The following NAV3 variants were observed in gnomAD, a reference collection of about 807,000 sequenced individuals.
NAV3 encodes the protein neuron navigator 3, also known as pore membrane and/or filament interacting like protein 1.
In NAV3, 87 loss-of-function variants were observed where a neutral mutation model predicts 244.7. That is an observed-to-expected ratio of 0.36 (90% confidence interval 0.30 to 0.42). The LOEUF (loss-of-function observed/expected upper bound fraction) is 0.42, where lower values mean the gene tolerates loss of function less well. Among genes scored for constraint, NAV3 ranks in the 20% least tolerant of loss-of-function variants. NAV3 has a pLI of 1.00. For synonymous variants in NAV3, 1,126 were observed against 1,042.2 expected, an observed-to-expected ratio of 1.08 and a Z score of -1.55; for missense variants, 2,663 against 2,893.3, an observed-to-expected ratio of 0.92 and a Z score of 1.83.
intron 5 of NAV3, among the ~76,000 whole-genome samples, chr12:77,991,316 G>A (rs748810968): frequency 7.2e-5 from 11 of 152,100 alleles, no homozygotes; most frequent in East Asian, 1.9e-4. Context: ...GAGCCACTGC[G>A]CCCAGCCTAG....
intron 2 of NAV3, among the ~76,000 whole-genome samples, chr12:77,606,373 T>A (rs1268603666): frequency 1.3e-5 from 2 of 152,152 alleles, no homozygotes; most frequent in African/African-American, 2.4e-5. Context: ...TGTTATAGTT[T>A]TTTAAACTTG....
At chr12:77,626,929 A>G (rs71462111) in intron 2 of NAV3, among the ~76,000 whole-genome samples, 6,420 of 152,272 alleles carry the variant, frequency 0.042, 165 homozygotes, top group Non-Finnish European at 0.061. Context: ...AAAAGATATC[A>G]CTACATAAAC....
chr12:77,804,962 T>G (rs1203948197), intron 2 of NAV3, among the ~76,000 whole-genome samples: 2 of 152,204 alleles, frequency 1.3e-5, no homozygotes, highest in African/African-American at 4.8e-5. Context: ...ATGATTTGGC[T>G]CTCTGTTTTT....
intron 2 of NAV3, among the ~76,000 whole-genome samples, chr12:77,808,735 G>GGCAA (rs1872121223): frequency 6.6e-6 from 1 of 152,206 alleles, no homozygotes; most frequent in South Asian, 2.1e-4. Context: ...CTTCAGAGAC[G>GGCAA]GCAAGCAGGA....
chr12:78,106,499 A>G (rs1343944232), intron 12 of NAV3, among the ~76,000 whole-genome samples: 1 of 152,228 alleles, frequency 6.6e-6, no homozygotes, highest in Non-Finnish European at 1.5e-5. Flanking sequence ...AAATTAATCA[A>G]TAGATTCAAT....
rs542042704 is a variant in NAV3, at chr12:77,683,581, G to A, written c.72+111315G>A. On this transcript the variant is annotated intron_variant, in intron 2 of 8. Coordinates refer to the NAV3 transcript ENST00000550042. Reference sequence around the variant, plus strand: ...AAAATGTCATTGGAATTTTGATAGAGATTGCACTGAATCTGTAGATCGCTT... The same window carrying A: ...AAAATGTCATTGGAATTTTGATAGAAATTGCACTGAATCTGTAGATCGCTT... 5.3e-5 allele frequency among the ~76,000 whole-genome samples: 8 copies of A among 152,228 alleles called. No homozygotes were observed. In the South Asian group the frequency reaches 1.7e-3, roughly 32 times the overall value.
chr12:78,126,589 T>TTTCTAAAA (rs1565690112), intron 16 of NAV3, among the ~76,000 whole-genome samples: 2 of 152,208 alleles, frequency 1.3e-5, no homozygotes, highest in Non-Finnish European at 2.9e-5. Flanking sequence ...TTCTAAAAGA[T>TTTCTAAAA]GGTATAGCTT....
intron 2 of NAV3, among the ~76,000 whole-genome samples, chr12:77,586,327 AATATTATAATCAGCTTT>A (rs1869612656): frequency 6.6e-6 from 1 of 152,202 alleles, no homozygotes; most frequent in Non-Finnish European, 1.5e-5. Flanking sequence ...TAAGAAAATG[AATATTATAATCAGCTTT>A]TTATATGCTT....
At chr12:77,954,188 C>T (rs1891154432) in intron 3 of NAV3, among the ~76,000 whole-genome samples, 1 of 152,126 alleles carries the variant, frequency 6.6e-6, no homozygotes, top group South Asian at 2.1e-4. Flanking sequence ...ATGTGTGGAA[C>T]AAGTGGATTT....
rs150479555 is a variant in NAV3, at chr12:78,197,518, T to C, written c.6446+117T>C. On this transcript the variant is annotated intron_variant, in intron 35 of 39. Transcript: ENST00000397909. ...TAATATTTAATTTTTATTTTTTAAA[T>C]TGACAGATAAAACTGTACATATTGA... 97 of 700,560 alleles carry C rather than the reference T, an allele frequency of 1.4e-4. No homozygotes were observed. The African/African-American group carries it at 1.6e-3, about 11-fold the overall frequency. 43.4% of individuals were successfully genotyped at this position (700,560 alleles called of 1,614,324 possible).
chr12:77,944,450 G>C (rs985340045), intron 3 of NAV3, among the ~76,000 whole-genome samples: 1 of 151,982 alleles, frequency 6.6e-6, no homozygotes, highest in Non-Finnish European at 1.5e-5. Flanking sequence ...CATTAAACAA[G>C]ATTATTATTA....
chr12:78,096,847 C>A (rs1294346310), intron 12 of NAV3, among the ~76,000 whole-genome samples: 3 of 152,146 alleles, frequency 2.0e-5, no homozygotes, highest in Non-Finnish European at 4.4e-5. Context: ...CTGAGCCTTT[C>A]CAGTTACTGT....
intron 2 of NAV3, among the ~76,000 whole-genome samples, chr12:77,662,024 T>G (rs1873474983): frequency 6.6e-6 from 1 of 151,804 alleles, no homozygotes; most frequent in Middle Eastern, 3.4e-3. Context: ...ATTTTAACTA[T>G]TCTAGGTTTT....
intron 2 of NAV3, among the ~76,000 whole-genome samples, chr12:77,591,862 T>C (rs1446462927): frequency 6.6e-6 from 1 of 152,224 alleles, no homozygotes; most frequent in Non-Finnish European, 1.5e-5. Context: ...ACTTTACTAC[T>C]GATTAATTAG....
Position 78,180,900 on chromosome 12 carries a change from T to C in NAV3, c.5547T>C (p.Asn1849=). 2 of 1,612,620 alleles carry C rather than the reference T, an allele frequency of 1.2e-6. No individual in the cohort carries two copies. Among genetic ancestry groups the C allele is most frequent in the South Asian group, 2.2e-5 (2 of 90,972 alleles). ...AAATTGAAATACTGAAAGCTGAAAA[T>C]GACCGGTTGAAGGCAGAAACTGGTA... ...QNEIEILKAE[N]DRLKAETGNT... is the part of the protein sequence containing the mutation. The change falls in exon 30 of 40, where the codon AAT becomes AAC. Residue 1849 remains asparagine (N), a synonymous_variant. Coordinates refer to ENST00000397909, the MANE Select transcript of NAV3 (RefSeq NM_001024383.2).
At chr12:78,124,700 C>T (rs1955831425) in intron 16 of NAV3, among the ~76,000 whole-genome samples, 1 of 152,242 alleles carries the variant, frequency 6.6e-6, no homozygotes, top group Non-Finnish European at 1.5e-5. Flanking sequence ...GCGATCTACC[C>T]TCCTTGGCCT....
At chr12:78,174,930 C>G (rs1416323486) in intron 24 of NAV3, among the ~76,000 whole-genome samples, 1 of 151,970 alleles carries the variant, frequency 6.6e-6, no homozygotes, top group African/African-American at 2.4e-5. Context: ...ACAATTAATT[C>G]TCATTCTGAG....
chr12:77,873,744 G>GTGTGTGTATATATA (rs776225440), intron 1 of NAV3, among the ~76,000 whole-genome samples: 22 of 73,184 alleles, frequency 3.0e-4, no homozygotes, highest in East Asian at 1.4e-3. Context: ...ATGTGTGTGT[G>GTGTGTGTATATATA]TATATATATA....
intron 2 of NAV3, among the ~76,000 whole-genome samples, chr12:77,811,039 A>G (rs1299613281): frequency 6.6e-5 from 10 of 152,250 alleles, no homozygotes; most frequent in African/African-American, 2.2e-4. Context: ...TTAAAATTTA[A>G]AACATTTCCT....
Sources: allele counts gnomAD v4.1 joint callset (sites outside exome capture counted in the v4.1 genomes callset), GRCh38; gene constraint gnomAD v4.1.1; transcripts MANE v1.5; gene names NCBI Gene and HGNC (gene_info 2026-07-23, HGNC 2026-07-21).